Variants in CCDC85C observed in about 807,000 individuals in gnomAD.
The protein encoded by CCDC85C is coiled-coil domain containing 85C.
Under a neutral mutation model 38.3 loss-of-function variants are expected in CCDC85C, and 18 were observed. That is an observed-to-expected ratio of 0.47 (90% confidence interval 0.33 to 0.70). The LOEUF (loss-of-function observed/expected upper bound fraction) is 0.70, where lower values mean the gene tolerates loss of function less well. Among genes scored for constraint, CCDC85C ranks in the 30% least tolerant of loss-of-function variants. The pLI is 0.03. For synonymous variants in CCDC85C, 264 were observed against 293.8 expected (o/e 0.90, Z 1.04); for missense variants, 566 against 621.2 (o/e 0.91, Z 0.94).
At chr14:99,557,078 G>A (rs375879733) in intron 1 of CCDC85C, among the ~76,000 whole-genome samples, 6 of 152,262 alleles carry the variant, frequency 3.9e-5, no homozygotes, top group African/African-American at 1.2e-4. Context: ...ATAGAACCAC[G>A]TGGGAGGTGT....
chr14:99,530,213 A>G (rs77149228), intron 2 of CCDC85C, among the ~76,000 whole-genome samples: 1 of 152,074 alleles, frequency 6.6e-6, no homozygotes, highest in African/African-American at 2.4e-5. Flanking sequence ...GAGACTGACC[A>G]TCTGTTCATT....
At chr14:99,525,209 C>T (rs1897361029) in intron 2 of CCDC85C, among the ~76,000 whole-genome samples, 1 of 152,222 alleles carries the variant, frequency 6.6e-6, no homozygotes, top group African/African-American at 2.4e-5. Context: ...AGCGAGGACT[C>T]GCTGGGTGAA....
chr14:99,603,489 T>G lies in CCDC85C; in HGVS notation c.471A>C (p.Ala157=). Residue 157 remains alanine, a synonymous_variant, in exon 1 of 6, where the codon GCA becomes GCC. Transcript: ENST00000380243. This position sits in a 1 kb window ranked among gnomAD's most constrained non-coding sequence, Gnocchi z 7.5. ...CGCTTGCGGCCCCCGTCGCCGCCAG[T>G]GCCGCGCGCTCCTCGTCCAGCAGCA... ...LVLLLDEERA[A]LAATGAASGG... The G allele has an allele frequency of 7.7e-7, 1 of 1,304,456 alleles. No homozygotes were observed. Among genetic ancestry groups the G allele is most frequent in the Non-Finnish European group, 9.7e-7 (1 of 1,034,042 alleles). The allele number at this position is 1,304,456 out of a possible 1,614,324, so 80.8% of individuals were successfully genotyped here.
chr14:99,500,717 G>A lies in CCDC85C; in HGVS notation c.*14529C>T, dbSNP rs373287151. On this transcript the variant is annotated 3_prime_UTR_variant, in exon 6 of 6. Transcript: ENST00000380243. ...AAAGCTCACTTTTGTAATGCTGCTT[G>A]AGACCTGCAATTGTAATTACTGTCC... 2.5e-6 allele frequency: 3 copies of A among 1,190,378 alleles called. No individual in the cohort carries two copies. In the African/African-American group the frequency reaches 4.5e-5, roughly 18 times the overall value. 73.7% of individuals were successfully genotyped at this position (1,190,378 alleles called of 1,614,324 possible).
intron 1 of CCDC85C, among the ~76,000 whole-genome samples, chr14:99,553,803 C>T (rs1337670124): frequency 1.3e-5 from 2 of 152,220 alleles, no homozygotes; most frequent in Non-Finnish European, 2.9e-5. Context: ...GCCCCTGCGG[C>T]GGAGATAGGG....
Position 99,544,439 on chromosome 14 carries a change from C to T in CCDC85C, c.794-8351G>A, listed in dbSNP as rs961046065. On this transcript the variant is annotated intron_variant, in intron 1 of 5. Transcript: ENST00000380243. This position sits in a 1 kb window ranked among gnomAD's most constrained non-coding sequence, Gnocchi z 5.3. ...AAAGAGACCGAGGTTCCGAGGGGCT[C>T]CATAACCACCCAGTCACAGAACTCA... 1.3e-5 allele frequency among the ~76,000 whole-genome samples: 2 copies of T among 152,122 alleles called. No individual in the cohort carries two copies. The highest frequency in any genetic ancestry group is 2.9e-5 in the Non-Finnish European group (2 of 68,028).
Position 99,507,789 on chromosome 14 carries a change from G to C in CCDC85C, c.*7457C>G, listed in dbSNP as rs1234822934. The C allele has an allele frequency of 6.5e-6, 1 of 152,922 alleles. No homozygotes were observed. The highest frequency in any genetic ancestry group is 1.5e-5 in the Non-Finnish European group (1 of 68,588). The allele number at this position is 152,922 out of a possible 1,614,324, so 9.5% of individuals were successfully genotyped here. The stretch of plus-strand genomic sequence containing the variant: ...TTCCTATTGGCAGTGTGTCGTCTTA[G>C]TGCATTCTGAAGAATAAGCAATTGT... On this transcript the variant is annotated 3_prime_UTR_variant, in exon 6 of 6. Coordinates refer to ENST00000380243, the MANE Select transcript of CCDC85C (RefSeq NM_001144995.2).
chr14:99,557,776 G>A (rs1427095062), intron 1 of CCDC85C, among the ~76,000 whole-genome samples: 2 of 152,134 alleles, frequency 1.3e-5, no homozygotes, highest in East Asian at 1.9e-4. Context: ...TTAGCCAGGT[G>A]TGGTGGTGCA....
At chr14:99,547,777 G>GA (rs956389912) in intron 1 of CCDC85C, among the ~76,000 whole-genome samples, 43 of 130,088 alleles carry the variant, frequency 3.3e-4, no homozygotes, top group Admixed American at 3.9e-4. Flanking sequence ...CTGTCCCAAA[G>GA]AAAAAAAAAA....
intron 1 of CCDC85C, among the ~76,000 whole-genome samples, chr14:99,567,429 C>A (rs2139957308): frequency 6.6e-6 from 1 of 152,308 alleles, no homozygotes; most frequent in South Asian, 2.1e-4. Flanking sequence ...CCCATCAGGG[C>A]ACCTGCAGTT....
At chr14:99,600,207 G>A (rs1400306357) in intron 1 of CCDC85C, among the ~76,000 whole-genome samples, 1 of 152,224 alleles carries the variant, frequency 6.6e-6, no homozygotes, top group Non-Finnish European at 1.5e-5. Flanking sequence ...GAGCCCCAAG[G>A]ACCCTAACAA....
chr14:99,582,223 C>T (rs573276859), intron 1 of CCDC85C, among the ~76,000 whole-genome samples: 7 of 152,218 alleles, frequency 4.6e-5, no homozygotes, highest in Admixed American at 2.0e-4. Flanking sequence ...GGGGTAGGCG[C>T]GGCCTAGCAG....
chr14:99,579,737 C>T (rs1280929930), intron 1 of CCDC85C, among the ~76,000 whole-genome samples: 6 of 152,016 alleles, frequency 3.9e-5, no homozygotes, highest in Admixed American at 2.0e-4. Context: ...TCCAGGGCAG[C>T]GGGGGAGAGG....
chr14:99,564,053 G>A (rs187660148), intron 1 of CCDC85C, among the ~76,000 whole-genome samples: 1 of 152,336 alleles, frequency 6.6e-6, no homozygotes, highest in African/African-American at 2.4e-5. Flanking sequence ...CACAGGTGGT[G>A]GGATTGCTGG....
chr14:99,589,444 G>A (rs1369036444), intron 1 of CCDC85C, among the ~76,000 whole-genome samples: 3 of 152,092 alleles, frequency 2.0e-5, no homozygotes, highest in African/African-American at 7.2e-5. Context: ...TTCGGTTGTG[G>A]AGCCTCCCGA....
intron 1 of CCDC85C, among the ~76,000 whole-genome samples, chr14:99,578,107 AGTGTGTGTGT>A (rs58957780): frequency 2.6e-5 from 2 of 76,086 alleles, no homozygotes; most frequent in Admixed American, 1.3e-4. Context: ...ATCCCCCATC[AGTGTGTGTGT>A]GTGTGTGTGT....
At chr14:99,519,337 G>C (rs1897272937) in intron 3 of CCDC85C, among the ~76,000 whole-genome samples, 2 of 141,612 alleles carry the variant, frequency 1.4e-5, no homozygotes, top group Non-Finnish European at 3.0e-5. Context: ...GGCTGGTCTT[G>C]AACTCCTGGA....
chr14:99,516,751 C>T lies in CCDC85C; in HGVS notation c.1071+337G>A, dbSNP rs1442051277. Among the ~76,000 whole-genome samples the T allele has an allele frequency of 1.3e-5, 2 of 152,160 alleles. No individual in the cohort carries two copies. The highest frequency in any genetic ancestry group is 2.9e-5 in the Non-Finnish European group (2 of 68,016). On this transcript the variant is annotated intron_variant, in intron 4 of 5. Coordinates refer to ENST00000380243, the MANE Select transcript of CCDC85C (RefSeq NM_001144995.2). The surrounding 1 kb of genome is among the most constrained non-coding windows in gnomAD (Gnocchi z 5.5). ...GGAGCCCATCGGACTCACCAGTCTGCACCTGCAGAGGCTGGGCCTGGCAGA... is the reference window on the plus strand; with the variant it reads ...GGAGCCCATCGGACTCACCAGTCTGTACCTGCAGAGGCTGGGCCTGGCAGA...
chr14:99,520,672 G>GA lies in CCDC85C; in HGVS notation c.975+1460dup, dbSNP rs1897291856. 6.6e-6 allele frequency among the ~76,000 whole-genome samples: 1 copy of GA among 152,128 alleles called. No homozygotes were observed. The highest frequency in any genetic ancestry group is 2.4e-5 in the African/African-American group (1 of 41,422). ...CACCCGGCCTCCTGGCCTCATGGAG[G>GA]AGCGACCCCTGCACAGCCCCCACGC... is the stretch of plus-strand genomic sequence containing the variant. On this transcript the variant is annotated intron_variant, in intron 3 of 5. Coordinates refer to ENST00000380243, the MANE Select transcript of CCDC85C (RefSeq NM_001144995.2). This position sits in a 1 kb window ranked among gnomAD's most constrained non-coding sequence, Gnocchi z 4.1.
Sources: allele counts gnomAD v4.1 joint callset (sites outside exome capture counted in the v4.1 genomes callset), GRCh38; gene constraint gnomAD v4.1.1; non-coding constraint Gnocchi (gnomAD v3.1); transcripts MANE v1.5; gene names NCBI Gene and HGNC (gene_info 2026-07-23, HGNC 2026-07-21).